Variants in PLCB4 observed in about 807,000 individuals in gnomAD.
PLCB4 encodes 1-phosphatidylinositol 4,5-bisphosphate phosphodiesterase beta-4.
PLCB4 carries 77 observed loss-of-function variants against 178.8 expected under a neutral mutation model. The observed-to-expected ratio is 0.43, with a 90% CI of 0.36 to 0.52. The LOEUF (loss-of-function observed/expected upper bound fraction) is 0.52, where lower values mean the gene tolerates loss of function less well. Ranked by LOEUF, PLCB4 falls within the 20% of genes least tolerant of loss-of-function variation. The probability of loss-of-function intolerance (pLI) is 0.00; values close to 1 mark genes in which losing one functional copy is unlikely to be tolerated. For missense variants in PLCB4, 1,024 were observed against 1,453.4 expected (o/e 0.70, Z 4.80); for synonymous variants, 496 against 490.8 (o/e 1.01, Z -0.14).
At chr20:9,264,692 G>A (rs775588880) in intron 3 of PLCB4, among the ~76,000 whole-genome samples, 1 of 152,188 alleles carries the variant, frequency 6.6e-6, no homozygotes, top group Non-Finnish European at 1.5e-5. Context: ...GCATGTGGAA[G>A]TATTTGGAAA....
chr20:9,353,840 A>G (rs1441561340), intron 7 of PLCB4, among the ~76,000 whole-genome samples: 1 of 152,118 alleles, frequency 6.6e-6, no homozygotes, highest in African/African-American at 2.4e-5. Flanking sequence ...ATATACCCCA[A>G]TTTTAAGAAG....
At chr20:9,340,996 A>G (rs1463181042) in intron 7 of PLCB4, among the ~76,000 whole-genome samples, 1 of 152,120 alleles carries the variant, frequency 6.6e-6, no homozygotes, top group Non-Finnish European at 1.5e-5. Context: ...GAGAAAAATG[A>G]AGCTAGAGAG....
intron 2 of PLCB4, among the ~76,000 whole-genome samples, chr20:9,189,848 T>C (rs1456574733): frequency 6.6e-6 from 1 of 152,098 alleles, no homozygotes; most frequent in African/African-American, 2.4e-5. Context: ...TTAATGAGGA[T>C]AGACCCATCA....
intron 2 of PLCB4, among the ~76,000 whole-genome samples, chr20:9,177,710 A>G (rs1286774878): frequency 6.6e-6 from 1 of 152,200 alleles, no homozygotes; most frequent in Non-Finnish European, 1.5e-5. Context: ...TGTTTTCAAG[A>G]TGACTTTAGG....
chr20:9,260,117 TTA>T (rs778731294), intron 3 of PLCB4, among the ~76,000 whole-genome samples: 1 of 152,158 alleles, frequency 6.6e-6, no homozygotes. Context: ...ATATTATATT[TTA>T]TATGTTTTAG....
At chr20:9,298,096 C>A (rs899866211) in intron 3 of PLCB4, among the ~76,000 whole-genome samples, 2 of 151,998 alleles carry the variant, frequency 1.3e-5, no homozygotes, top group African/African-American at 4.8e-5. Context: ...TCCTGAGACA[C>A]CTTCATGTGA....
intron 2 of PLCB4, among the ~76,000 whole-genome samples, chr20:9,101,925 A>G (rs990268039): frequency 6.6e-5 from 10 of 151,410 alleles, no homozygotes; most frequent in African/African-American, 2.4e-4. Flanking sequence ...GCTCACTGCA[A>G]CCTCTGCTCC....
intron 1 of PLCB4, among the ~76,000 whole-genome samples, chr20:9,070,049 A>G (rs1162867910): frequency 2.0e-5 from 3 of 152,122 alleles, no homozygotes; most frequent in Non-Finnish European, 4.4e-5. Context: ...CATATACGTA[A>G]TACTTAGTGG....
intron 19 of PLCB4, 98 bp from the exon 20 acceptor site, chr20:9,401,387 CTTTTT>C: frequency 1.4e-6 from 1 of 730,040 alleles, no homozygotes; most frequent in Non-Finnish European, 2.4e-6. Flanking sequence ...TTTTAGCATC[CTTTTT>C]CTCTAAAAGT....
At chr20:9,423,626 T>C in intron 27 of PLCB4, 122 bp from the exon 28 acceptor site, 1 of 738,278 alleles carries the variant, frequency 1.4e-6, no homozygotes, top group Admixed American at 2.2e-5. Context: ...AGATGGATCA[T>C]GGACTTACTT....
At chr20:9,438,254 T>C (rs2041897861) in intron 30 of PLCB4, among the ~76,000 whole-genome samples, 1 of 151,838 alleles carries the variant, frequency 6.6e-6, no homozygotes, top group African/African-American at 2.4e-5. Flanking sequence ...TAGTCCCAGC[T>C]GCTCAGGAGG....
chr20:9,363,047 T>A, intron 8 of PLCB4, 72 bp downstream of exon 8: 1 of 1,106,050 alleles, frequency 9.0e-7, no homozygotes, highest in East Asian at 2.5e-5. Context: ...AGATGAAGGC[T>A]AGGTGGTTCC....
rs151192176 is a variant in PLCB4, at chr20:9,467,253, G to C, written c.3249-1318G>C. 9.1e-3 allele frequency among the ~76,000 whole-genome samples: 1,385 copies of C among 152,190 alleles called. 25 individuals carry two copies. The highest frequency in any genetic ancestry group is 0.032 in the African/African-American group (1,324 of 41,524). ...GTGAGAACACTTGGACACAGGGTAG[G>C]GAACGTCACACACCGGGCCTTTTGG... On this transcript the variant is annotated intron_variant, in intron 35 of 39. Transcript: ENST00000378473.
intron 18 of PLCB4, 119 bp from the exon 19 acceptor site, chr20:9,395,404 G>C (rs1279923574): frequency 5.8e-6 from 4 of 690,002 alleles, no homozygotes; most frequent in Non-Finnish European, 1.0e-5. Context: ...TGGTGCCTTG[G>C]TGCCTGAACA....
At chr20:9,371,099 T>A in intron 9 of PLCB4, 115 bp from the exon 10 acceptor site, 1 of 715,098 alleles carries the variant, frequency 1.4e-6, no homozygotes, top group South Asian at 1.6e-5. Context: ...GGTAATTTTA[T>A]TCTCCTCTTC....
intron 7 of PLCB4, among the ~76,000 whole-genome samples, chr20:9,349,858 A>G (rs1221786113): frequency 1.3e-5 from 2 of 152,210 alleles, no homozygotes; most frequent in Non-Finnish European, 2.9e-5. Flanking sequence ...TGCCAGCAAA[A>G]AATTGCCATT....
intron 13 of PLCB4, among the ~76,000 whole-genome samples, chr20:9,382,965 A>G (rs2037273629): frequency 6.6e-6 from 1 of 151,976 alleles, no homozygotes; most frequent in Admixed American, 6.5e-5. Flanking sequence ...CTAACTATCC[A>G]TCAACCAAAT....
intron 28 of PLCB4, among the ~76,000 whole-genome samples, chr20:9,427,876 T>A (rs1292338285): frequency 6.6e-6 from 1 of 152,206 alleles, no homozygotes; most frequent in Non-Finnish European, 1.5e-5. Flanking sequence ...CCGCTGTGTT[T>A]CATGAGCCTC....
chr20:9,096,425 A>C (rs538820784), intron 2 of PLCB4, 83 bp downstream of exon 2: 3 of 152,324 alleles, frequency 2.0e-5, no homozygotes, highest in Middle Eastern at 3.4e-3. Context: ...ATCGAGAAGC[A>C]ATTTTTTATG....
Sources: allele counts gnomAD v4.1 joint callset (sites outside exome capture counted in the v4.1 genomes callset), GRCh38; gene constraint gnomAD v4.1.1; transcripts MANE v1.5; gene names NCBI Gene and HGNC (gene_info 2026-07-23, HGNC 2026-07-21).